The following ABTB3 variants were observed in gnomAD, a reference collection of about 807,000 sequenced individuals.
ABTB3 encodes ankyrin repeat and BTB domain containing 3, also known as ankyrin repeat- and BTB/POZ domain-containing protein 3.
chr12:107,462,182 TAA>T, the ABTB3 span, among the ~76,000 whole-genome samples: 2 of 152,252 alleles, frequency 1.3e-5, no homozygotes, highest in South Asian at 4.1e-4. Flanking sequence ...GCAGAAAATT[TAA>T]AGTTTTCTTT....
At chr12:107,528,335 A>T in the ABTB3 span, among the ~76,000 whole-genome samples, 1 of 152,248 alleles carries the variant, frequency 6.6e-6, no homozygotes, top group Non-Finnish European at 1.5e-5. Flanking sequence ...TTTTCCATTT[A>T]TGGCACTGAT....
the ABTB3 span, chr12:107,618,185 G>T: frequency 1.9e-6 from 3 of 1,613,990 alleles, no homozygotes; most frequent in Non-Finnish European, 2.5e-6. Context: ...TGCTCGCCCA[G>T]CCAGAGAAGG....
the ABTB3 span, among the ~76,000 whole-genome samples, chr12:107,391,660 A>G: frequency 1.3e-5 from 2 of 152,188 alleles, no homozygotes; most frequent in African/African-American, 4.8e-5. Flanking sequence ...TCTTCCTTTC[A>G]TATAATGAGA....
At chr12:107,548,437 G>A in the ABTB3 span, among the ~76,000 whole-genome samples, 1 of 152,192 alleles carries the variant, frequency 6.6e-6, no homozygotes, top group African/African-American at 2.4e-5. Flanking sequence ...TCTTGGCTGA[G>A]GTATTTGGAA....
chr12:107,543,877 C>T, the ABTB3 span: 2 of 1,478,442 alleles, frequency 1.4e-6, no homozygotes, highest in Non-Finnish European at 1.8e-6. Flanking sequence ...TCTTCAGGTA[C>T]AGTTTCTCTG....
chr12:107,426,670 C>A, the ABTB3 span, among the ~76,000 whole-genome samples: 5 of 152,266 alleles, frequency 3.3e-5, no homozygotes, highest in African/African-American at 1.2e-4. Context: ...AGAAAGGCAG[C>A]CTTTATGGAG....
chr12:107,345,989 C>T, the ABTB3 span, among the ~76,000 whole-genome samples: 1 of 152,180 alleles, frequency 6.6e-6, no homozygotes, highest in Non-Finnish European at 1.5e-5. Context: ...AGCCTTGTTG[C>T]ACCAGTGAGG....
chr12:107,544,044 G>A, the ABTB3 span: 1 of 1,613,996 alleles, frequency 6.2e-7, no homozygotes, highest in East Asian at 2.2e-5. Context: ...GGGAGCCCGA[G>A]GCCCTGTACA....
the ABTB3 span, among the ~76,000 whole-genome samples, chr12:107,515,967 C>T: frequency 6.6e-6 from 1 of 151,822 alleles, no homozygotes; most frequent in Non-Finnish European, 1.5e-5. Flanking sequence ...GAGTGCCTCA[C>T]ATGTAGTAAG....
the ABTB3 span, among the ~76,000 whole-genome samples, chr12:107,511,343 G>A: frequency 0.095 from 14,510 of 152,210 alleles, 781 homozygotes; most frequent in South Asian, 0.14. Flanking sequence ...CAAATTCAGC[G>A]GCTTAAAACA....
the ABTB3 span, among the ~76,000 whole-genome samples, chr12:107,474,880 C>A: frequency 2.0e-5 from 3 of 152,286 alleles, no homozygotes; most frequent in East Asian, 5.8e-4. Flanking sequence ...CAAGCCCCAG[C>A]AGTGATTCTG....
chr12:107,565,748 T>C, the ABTB3 span, among the ~76,000 whole-genome samples: 20 of 152,246 alleles, frequency 1.3e-4, no homozygotes, highest in East Asian at 3.3e-3. Context: ...CCCCTTTCCT[T>C]GGAGGGAGGG....
chr12:107,403,361 C>T, the ABTB3 span, among the ~76,000 whole-genome samples: 13 of 152,020 alleles, frequency 8.6e-5, no homozygotes, highest in African/African-American at 1.7e-4. Flanking sequence ...GTTGTTTCAC[C>T]GGGCTCTATT....
At chr12:107,523,305 C>T in the ABTB3 span, among the ~76,000 whole-genome samples, 41 of 152,232 alleles carry the variant, frequency 2.7e-4, no homozygotes, top group East Asian at 2.1e-3. Context: ...TTGGAAGTTG[C>T]GCTTCCATTC....
the ABTB3 span, among the ~76,000 whole-genome samples, chr12:107,356,488 G>A: frequency 5.9e-5 from 9 of 152,288 alleles, no homozygotes; most frequent in Admixed American, 3.9e-4. Context: ...TGGAGAGGTT[G>A]GGAGCCTGCC....
the ABTB3 span, chr12:107,320,000 A>T: frequency 6.3e-7 from 1 of 1,578,788 alleles, no homozygotes. Flanking sequence ...CCTGGAGCAC[A>T]CGGTCAACAA....
At chr12:107,534,877 C>T in the ABTB3 span, among the ~76,000 whole-genome samples, 2 of 152,130 alleles carry the variant, frequency 1.3e-5, no homozygotes, top group East Asian at 3.8e-4. Flanking sequence ...GAAGAATTAA[C>T]ACCAATTTTT....
At chr12:107,643,863 A>C in the ABTB3 span, among the ~76,000 whole-genome samples, 1 of 149,358 alleles carries the variant, frequency 6.7e-6, no homozygotes, top group African/African-American at 2.5e-5. Flanking sequence ...TTCTGGGTTC[A>C]AGCCATCCTC....
At chr12:107,572,668 G>A in the ABTB3 span, among the ~76,000 whole-genome samples, 21 of 152,258 alleles carry the variant, frequency 1.4e-4, no homozygotes, top group Non-Finnish European at 2.4e-4. Flanking sequence ...AGAGGAGATG[G>A]TGGTTGAAGT....
Sources: allele counts gnomAD v4.1 joint callset (sites outside exome capture counted in the v4.1 genomes callset), GRCh38; gene constraint gnomAD v4.1.1; transcripts MANE v1.5; gene names NCBI Gene and HGNC (gene_info 2026-07-23, HGNC 2026-07-21).